VPS13B: variants seen among roughly 807,000 people sequenced by gnomAD.
VPS13B encodes vacuolar protein sorting 13 homolog B.
VPS13B carries 285 observed loss-of-function variants against 426.4 expected under a neutral mutation model. That is an observed-to-expected ratio of 0.67 (90% CI 0.61 to 0.74). The LOEUF (loss-of-function observed/expected upper bound fraction) is 0.74. VPS13B is among the 30% of genes least tolerant of loss of function. The probability of loss-of-function intolerance (pLI) is 0.00; values close to 1 mark genes in which losing one functional copy is unlikely to be tolerated. For missense variants in VPS13B, 4,537 were observed against 4,782.6 expected (o/e 0.95, Z 1.51); for synonymous variants, 1,676 against 1,676.4 (o/e 1.00, Z 0.01).
At chr8:99,711,451 T>C (rs1271066988) in intron 36 of VPS13B, among the ~76,000 whole-genome samples, 4 of 152,176 alleles carry the variant, frequency 2.6e-5, no homozygotes, top group African/African-American at 9.7e-5. Context: ...CTCAGTGTCA[T>C]TTGTGTATTT....
chr8:99,172,886 G>T (rs1163241475), intron 16 of VPS13B, among the ~76,000 whole-genome samples: 1 of 152,044 alleles, frequency 6.6e-6, no homozygotes, highest in African/African-American at 2.4e-5. Flanking sequence ...AAGGATGTTA[G>T]CTACTTTCTG....
At chr8:99,144,113 T>A (rs1338227007) in intron 13 of VPS13B, among the ~76,000 whole-genome samples, 1 of 151,918 alleles carries the variant, frequency 6.6e-6, no homozygotes, top group African/African-American at 2.4e-5. Context: ...GATGACAGAG[T>A]AGCAAGATAA....
intron 3 of VPS13B, among the ~76,000 whole-genome samples, chr8:99,089,206 C>G (rs1163526660): frequency 6.6e-6 from 1 of 151,992 alleles, no homozygotes; most frequent in Non-Finnish European, 1.5e-5. Context: ...TTCATAGAGT[C>G]GATTAGGAGG....
At chr8:99,614,371 G>C (rs1030661520) in intron 33 of VPS13B, among the ~76,000 whole-genome samples, 1 of 151,960 alleles carries the variant, frequency 6.6e-6, no homozygotes. Flanking sequence ...TCCGCCTCCC[G>C]GGTTCAAGCG....
intron 3 of VPS13B, among the ~76,000 whole-genome samples, chr8:99,046,973 A>G (rs190051462): frequency 7.0e-4 from 107 of 152,234 alleles, no homozygotes; most frequent in Non-Finnish European, 1.4e-3. Flanking sequence ...CATCAGGGAT[A>G]TTGGCATGTA....
rs576015627 is a variant in VPS13B, at chr8:99,505,744, T to C, written c.4158-1393T>C. Reference sequence around the variant, plus strand: ...CATATATTGTTGGAAAAAACGCTGCTGATGGATTTACTCAATGTAAGGCTG... The same window carrying C: ...CATATATTGTTGGAAAAAACGCTGCCGATGGATTTACTCAATGTAAGGCTG... On this transcript the variant is annotated intron_variant, in intron 27 of 61. Transcript: ENST00000357162. Among the ~76,000 whole-genome samples the C allele has an allele frequency of 3.9e-5, 6 of 152,296 alleles. No homozygotes were observed. The East Asian group carries it at 7.7e-4, about 20-fold the overall frequency.
intron 3 of VPS13B, among the ~76,000 whole-genome samples, chr8:99,069,545 T>C (rs1330169132): frequency 2.0e-5 from 3 of 152,252 alleles, no homozygotes; most frequent in East Asian, 1.9e-4. Context: ...TGTATATATA[T>C]GTGCACATAC....
chr8:99,104,559 T>TC (rs1217287369), intron 5 of VPS13B, among the ~76,000 whole-genome samples: 2 of 134,522 alleles, frequency 1.5e-5, no homozygotes, highest in Admixed American at 1.6e-4. Context: ...CTCCCCACCG[T>TC]CCCCCCTCCC....
intron 33 of VPS13B, among the ~76,000 whole-genome samples, chr8:99,616,746 A>G (rs1828110202): frequency 6.6e-6 from 1 of 152,224 alleles, no homozygotes; most frequent in African/African-American, 2.4e-5. Flanking sequence ...AATCACTTGA[A>G]CCCGGGAGGC....
intron 26 of VPS13B, among the ~76,000 whole-genome samples, chr8:99,502,060 C>T (rs1821276541): frequency 6.6e-6 from 1 of 152,066 alleles, no homozygotes; most frequent in East Asian, 1.9e-4. Context: ...CCTTGCCTCA[C>T]TGCAACCTCT....
At chr8:99,082,899 G>A (rs1245811581) in intron 3 of VPS13B, among the ~76,000 whole-genome samples, 4 of 152,190 alleles carry the variant, frequency 2.6e-5, no homozygotes, top group African/African-American at 9.7e-5. Flanking sequence ...GTAGCCTGAT[G>A]CCTCCAGCTT....
intron 34 of VPS13B, among the ~76,000 whole-genome samples, chr8:99,649,435 T>A (rs1245746428): frequency 2.0e-5 from 3 of 152,122 alleles, no homozygotes; most frequent in Non-Finnish European, 4.4e-5. Context: ...GATTGGATAA[T>A]TTCTATTAAA....
At chr8:99,144,651 G>C (rs1327132902) in intron 13 of VPS13B, among the ~76,000 whole-genome samples, 2 of 152,146 alleles carry the variant, frequency 1.3e-5, no homozygotes, top group Non-Finnish European at 2.9e-5. Flanking sequence ...ACTTAACCCA[G>C]TGTACAGTAA....
chr8:99,735,837 A>G (rs1466647411), intron 39 of VPS13B, among the ~76,000 whole-genome samples: 1 of 152,142 alleles, frequency 6.6e-6, no homozygotes, highest in Non-Finnish European at 1.5e-5. Flanking sequence ...AGAGTATATT[A>G]TGGACTGGGG....
intron 3 of VPS13B, among the ~76,000 whole-genome samples, chr8:99,039,918 A>G (rs997734933): frequency 2.6e-5 from 4 of 152,160 alleles, no homozygotes; most frequent in African/African-American, 9.6e-5. Context: ...AATATTTGAG[A>G]GATTAATTTA....
chr8:99,235,629 T>C (rs1443242334), intron 17 of VPS13B, among the ~76,000 whole-genome samples: 4 of 152,170 alleles, frequency 2.6e-5, no homozygotes, highest in Non-Finnish European at 4.4e-5. Flanking sequence ...ATATTATATA[T>C]AAAATTTAAA....
chr8:99,415,894 G>A (rs188487990), intron 21 of VPS13B, among the ~76,000 whole-genome samples: 87 of 152,258 alleles, frequency 5.7e-4, no homozygotes, highest in Non-Finnish European at 1.1e-3. Context: ...CACGGGGGTC[G>A]GGGACCCACT....
At chr8:99,670,264 A>G (rs1357848871) in intron 35 of VPS13B, among the ~76,000 whole-genome samples, 1 of 114,774 alleles carries the variant, frequency 8.7e-6, no homozygotes, top group Non-Finnish European at 1.9e-5. Flanking sequence ...TGAGGAATAA[A>G]TAATGTGATT....
chr8:99,407,827 A>G (rs1054961880), intron 21 of VPS13B, among the ~76,000 whole-genome samples: 26 of 152,298 alleles, frequency 1.7e-4, no homozygotes, highest in African/African-American at 5.8e-4. Flanking sequence ...TAAGAATGCA[A>G]TGTAATAAGA....
Sources: gnomAD v4.1 joint callset for allele counts (sites outside exome capture counted in the v4.1 genomes callset) on GRCh38, gnomAD v4.1.1 for gene constraint, MANE v1.5 for transcripts, NCBI Gene and HGNC (gene_info 2026-07-23, HGNC 2026-07-21) for gene names.